CNTNAP2: variants seen among roughly 807,000 people sequenced by gnomAD.
CNTNAP2 encodes contactin-associated protein-like 2.
CNTNAP2 carries 98 observed loss-of-function variants against 155.2 expected under a neutral mutation model. That is an observed-to-expected ratio of 0.63 (90% CI 0.54 to 0.75). The LOEUF (loss-of-function observed/expected upper bound fraction) is 0.75. CNTNAP2 is among the 30% of genes least tolerant of loss of function. The pLI is 0.00. For synonymous variants in CNTNAP2, 651 were observed against 631.2 expected (o/e 1.03, Z -0.47); for missense variants, 1,727 against 1,688.1 (o/e 1.02, Z -0.40).
intron 3 of CNTNAP2, among the ~76,000 whole-genome samples, chr7:146,844,854 G>T (rs1803812270): frequency 6.6e-6 from 1 of 152,186 alleles, no homozygotes; most frequent in African/African-American, 2.4e-5. Flanking sequence ...GATCCATTTT[G>T]TTAATTTTAA....
At chr7:148,300,762 T>A (rs553747592) in intron 21 of CNTNAP2, among the ~76,000 whole-genome samples, 3 of 152,230 alleles carry the variant, frequency 2.0e-5, no homozygotes, top group African/African-American at 7.2e-5. Context: ...AATAAGCCAG[T>A]TACAAAAGGA....
At chr7:148,254,964 G>A (rs937197163) in intron 20 of CNTNAP2, among the ~76,000 whole-genome samples, 9 of 151,006 alleles carry the variant, frequency 6.0e-5, no homozygotes, top group African/African-American at 1.5e-4. Flanking sequence ...GTTTTTCCTC[G>A]AGCTCTTCAG....
At chr7:147,928,794 T>A (rs1359584329) in intron 14 of CNTNAP2, among the ~76,000 whole-genome samples, 1 of 152,090 alleles carries the variant, frequency 6.6e-6, no homozygotes, top group African/African-American at 2.4e-5. Context: ...GAGTTTTTTA[T>A]AAAACCTTTA....
At chr7:148,233,537 T>G (rs915634987) in intron 20 of CNTNAP2, among the ~76,000 whole-genome samples, 1 of 152,220 alleles carries the variant, frequency 6.6e-6, no homozygotes. Flanking sequence ...AACCTTTTGT[T>G]ATTATATCAT....
intron 18 of CNTNAP2, among the ~76,000 whole-genome samples, chr7:148,179,221 G>A (rs914825337): frequency 4.6e-5 from 7 of 152,126 alleles, no homozygotes; most frequent in African/African-American, 1.2e-4. Flanking sequence ...ACAAGAAAGC[G>A]CTGATTAGCC....
At chr7:148,340,722 T>A (rs1445558571) in intron 21 of CNTNAP2, among the ~76,000 whole-genome samples, 3 of 152,234 alleles carry the variant, frequency 2.0e-5, no homozygotes, top group Admixed American at 6.5e-5. Flanking sequence ...AAGCTCTTCT[T>A]TTGATTAAGA....
chr7:146,388,087 T>C (rs1795486359), intron 1 of CNTNAP2, among the ~76,000 whole-genome samples: 1 of 151,622 alleles, frequency 6.6e-6, no homozygotes, highest in Non-Finnish European at 1.5e-5. Flanking sequence ...TTTTAGTTTC[T>C]TTTTATTTTT....
At chr7:147,507,248 T>C (rs534748350) in intron 11 of CNTNAP2, among the ~76,000 whole-genome samples, 2 of 152,258 alleles carry the variant, frequency 1.3e-5, no homozygotes, top group East Asian at 3.9e-4. Context: ...ATATGACATA[T>C]AGGAAAGTAG....
At chr7:146,727,876 C>T (rs75931306) in intron 1 of CNTNAP2, among the ~76,000 whole-genome samples, 572 of 152,200 alleles carry the variant, frequency 3.8e-3, no homozygotes, top group Admixed American at 9.7e-3. Context: ...TGATGTTCCC[C>T]CTAGATGTCC....
chr7:146,978,662 T>G (rs1280204100), intron 3 of CNTNAP2, among the ~76,000 whole-genome samples: 1 of 151,796 alleles, frequency 6.6e-6, no homozygotes, highest in East Asian at 1.9e-4. Context: ...ACAGAATTAA[T>G]AGGCATTAAT....
intron 15 of CNTNAP2, among the ~76,000 whole-genome samples, chr7:148,025,050 A>G (rs1802352001): frequency 6.6e-6 from 1 of 152,206 alleles, no homozygotes; most frequent in South Asian, 2.1e-4. Context: ...TTGCTTAGGG[A>G]CTGAAACCAT....
chr7:146,942,837 A>G (rs1254350606), intron 3 of CNTNAP2, among the ~76,000 whole-genome samples: 1 of 152,226 alleles, frequency 6.6e-6, no homozygotes, highest in Admixed American at 6.5e-5. Flanking sequence ...TGTTGCCTGC[A>G]TCAACACTAA....
chr7:147,000,297 AT>A (rs932113254), intron 3 of CNTNAP2, among the ~76,000 whole-genome samples: 3 of 151,804 alleles, frequency 2.0e-5, no homozygotes, highest in South Asian at 4.2e-4. Flanking sequence ...GTTTTTCTGT[AT>A]TTTTTTGACA....
At chr7:147,986,351 C>T (rs997536288) in intron 15 of CNTNAP2, among the ~76,000 whole-genome samples, 2 of 152,116 alleles carry the variant, frequency 1.3e-5, no homozygotes, top group Non-Finnish European at 2.9e-5. Context: ...GAATGGGTAA[C>T]GTTTGATCAT....
chr7:147,899,335 G>A (rs1799825226), intron 13 of CNTNAP2, among the ~76,000 whole-genome samples: 1 of 151,964 alleles, frequency 6.6e-6, no homozygotes, highest in Non-Finnish European at 1.5e-5. Context: ...GTGAGACCCT[G>A]TCTTAAAAAA....
intron 1 of CNTNAP2, among the ~76,000 whole-genome samples, chr7:146,429,873 C>G (rs954971535): frequency 6.6e-6 from 1 of 152,024 alleles, no homozygotes; most frequent in Non-Finnish European, 1.5e-5. Flanking sequence ...ATAGATGGCT[C>G]TTATTATTGT....
At chr7:148,092,880 A>T (rs925431997) in intron 15 of CNTNAP2, among the ~76,000 whole-genome samples, 5 of 61,570 alleles carry the variant, frequency 8.1e-5, no homozygotes, top group African/African-American at 3.8e-4. Flanking sequence ...GTCTCAATTT[A>T]AAAAAAAAAA....
At chr7:147,850,324 G>A (rs1304710320) in intron 13 of CNTNAP2, among the ~76,000 whole-genome samples, 1 of 152,156 alleles carries the variant, frequency 6.6e-6, no homozygotes, top group Non-Finnish European at 1.5e-5. Context: ...TCAATATCGT[G>A]AAAATGGCCA....
intron 8 of CNTNAP2, among the ~76,000 whole-genome samples, chr7:147,165,242 A>T (rs1314812299): frequency 6.6e-6 from 1 of 152,096 alleles, no homozygotes; most frequent in Non-Finnish European, 1.5e-5. Context: ...TACTTCCCTG[A>T]TCATTAGTGA....
Sources: gnomAD v4.1 joint callset for allele counts (sites outside exome capture counted in the v4.1 genomes callset) on GRCh38, gnomAD v4.1.1 for gene constraint, MANE v1.5 for transcripts, NCBI Gene and HGNC (gene_info 2026-07-23, HGNC 2026-07-21) for gene names.